The following KIRREL3 variants were observed in gnomAD, a reference collection of about 807,000 sequenced individuals.
KIRREL3 encodes kin of IRRE-like protein 3.
A neutral mutation model predicts 89.7 loss-of-function variants in KIRREL3; 36 were observed. The ratio of observed to expected loss-of-function variants is 0.40; its 90% CI spans 0.31 to 0.53. The LOEUF is 0.53. Among genes scored for constraint, KIRREL3 ranks in the 20% least tolerant of loss-of-function variants. KIRREL3 has a pLI of 0.49. For synonymous variants in KIRREL3, 445 were observed against 441.4 expected (o/e 1.01, Z -0.10); for missense variants, 864 against 1,056.6 (o/e 0.82, Z 2.53).
In KIRREL3 at chr11:126,923,186, T is replaced by TCTTCTCTTCTTCTTCTC. The variant is rs1947465550; in HGVS notation, c.55+77268_55+77269insGAGAAGAAGAAGAGAAG. Reference sequence around the variant, plus strand: ...CTTCTTCTTCTTCTTCTCTTCTTCTTCTCTTCTTCTTCTTCTTCTTCTTCT... The same window carrying TCTTCTCTTCTTCTTCTC: ...CTTCTTCTTCTTCTTCTCTTCTTCTTCTTCTCTTCTTCTTCTCCTCTTCTTCTTCTTCTTCTTCTTCT... On this transcript the variant is annotated intron_variant, in intron 1 of 16. Transcript: ENST00000525144. Among the ~76,000 whole-genome samples, 4 of 24,678 alleles carry TCTTCTCTTCTTCTTCTC rather than the reference T, an allele frequency of 1.6e-4. 2 individuals carry two copies. Among genetic ancestry groups the TCTTCTCTTCTTCTTCTC allele is most frequent in the Non-Finnish European group, 1.6e-4 (2 of 12,204 alleles). 16.2% of individuals were successfully genotyped at this position (24,678 alleles called of 152,430 possible).
rs531171 is a variant in KIRREL3 at position 126,575,561 on chromosome 11, T to G, written c.56-12649A>C. The stretch of plus-strand genomic sequence containing the variant: ...GGTACTTACTTATAAATATAATATA[T>G]TATTAGAAAGTACAGGGGTATGCTA... On this transcript the variant is annotated intron_variant, in intron 1 of 16. Transcript: ENST00000525144. This position sits in a 1 kb window ranked among gnomAD's most constrained non-coding sequence, Gnocchi z 7.0. Among the ~76,000 whole-genome samples, 103,276 of 152,020 alleles carry G rather than the reference T, an allele frequency of 0.68. 35,175 individuals are homozygous for G. Among genetic ancestry groups the G allele is most frequent in the South Asian group, 0.71 (3,412 of 4,806 alleles).
rs563137059 is a variant in KIRREL3, at chr11:126,654,159, C to A, written c.56-91247G>T. Among the ~76,000 whole-genome samples, 10 of 148,072 alleles carry A rather than the reference C, an allele frequency of 6.8e-5. No individual in the cohort carries two copies. In the East Asian group the frequency reaches 2.0e-3, roughly 30 times the overall value. On this transcript the variant is annotated intron_variant, in intron 1 of 16. Coordinates refer to ENST00000525144, the MANE Select transcript of KIRREL3 (RefSeq NM_032531.4). ...CATTCAGCTTCACAAGGCTGGTGAG[C>A]GAGGGCTCGTGGTTGGGACACCTGA...
chr11:126,511,200 T>A (rs1427455631), intron 4 of KIRREL3, among the ~76,000 whole-genome samples: 1 of 152,022 alleles, frequency 6.6e-6, no homozygotes, highest in Non-Finnish European at 1.5e-5. Flanking sequence ...GGCTCACGCC[T>A]GTAGTCCCAG....
intron 1 of KIRREL3, among the ~76,000 whole-genome samples, chr11:126,942,621 G>A (rs769660093): frequency 7.2e-5 from 11 of 152,194 alleles, no homozygotes; most frequent in Admixed American, 2.6e-4. Flanking sequence ...ATTTGTCCTA[G>A]GAGTCATGTG....
intron 4 of KIRREL3, among the ~76,000 whole-genome samples, chr11:126,506,358 T>C (rs1196024580): frequency 6.6e-6 from 1 of 152,226 alleles, no homozygotes; most frequent in African/African-American, 2.4e-5. Flanking sequence ...GTCGTATATC[T>C]GGTAAAGGAC....
intron 1 of KIRREL3, among the ~76,000 whole-genome samples, chr11:126,654,642 G>T (rs1179063575): frequency 6.6e-6 from 1 of 152,072 alleles, no homozygotes; most frequent in Non-Finnish European, 1.5e-5. Context: ...TGTCTGGAGG[G>T]GTTGTCTAGC....
rs556124195 is a variant in KIRREL3 at position 126,939,492 on chromosome 11, C to G, written c.55+60963G>C. ...TCTAGATGGTGCTGCTGAGAGGCTA[C>G]CTTATTTTCACAAGTTCCAATGCTA... On this transcript the variant is annotated intron_variant, in intron 1 of 16. Coordinates refer to ENST00000525144, the MANE Select transcript of KIRREL3 (RefSeq NM_032531.4). Among the ~76,000 whole-genome samples the G allele has an allele frequency of 1.3e-4, 20 of 152,274 alleles. No individual in the cohort carries two copies. The South Asian group carries it at 3.9e-3, about 30-fold the overall frequency.
At position 126,872,582 on chromosome 11, in the gene KIRREL3, C is replaced by G. The variant is rs1363900842; in HGVS notation, c.55+127873G>C. Reference sequence around the variant, plus strand: ...GGGCTCACTTCACCTGCATCATTTACATCAAACAGCCCCTCTAAGGGACCT... The same window carrying G: ...GGGCTCACTTCACCTGCATCATTTAGATCAAACAGCCCCTCTAAGGGACCT... On this transcript the variant is annotated intron_variant, in intron 1 of 16. Coordinates refer to ENST00000525144, the MANE Select transcript of KIRREL3 (RefSeq NM_032531.4). The surrounding 1 kb of genome is among the most constrained non-coding windows in gnomAD (Gnocchi z 4.2). Among the ~76,000 whole-genome samples, 1 of 152,244 alleles carries G rather than the reference C, an allele frequency of 6.6e-6. No individual in the cohort carries two copies. The highest frequency in any genetic ancestry group is 6.5e-5 in the Admixed American group (1 of 15,288).
At position 126,687,703 on chromosome 11, in the gene KIRREL3, T is replaced by C. The variant is rs1269756360; in HGVS notation, c.56-124791A>G. Among the ~76,000 whole-genome samples, 1 of 152,262 alleles carries C rather than the reference T, an allele frequency of 6.6e-6. No homozygotes were observed. The highest frequency in any genetic ancestry group is 1.5e-5 in the Non-Finnish European group (1 of 68,046). ...CTCTCCTACATGCCAGGCATTGTTT[T>C]GGATGCTGGGGATACAAAGATAAGT... On this transcript the variant is annotated intron_variant, in intron 1 of 16. Coordinates refer to ENST00000525144, the MANE Select transcript of KIRREL3 (RefSeq NM_032531.4). This position sits in a 1 kb window ranked among gnomAD's most constrained non-coding sequence, Gnocchi z 4.6.
rs148614624 is a variant in KIRREL3 at position 126,946,489 on chromosome 11, T to C, written c.55+53966A>G. On this transcript the variant is annotated intron_variant, in intron 1 of 16. Transcript: ENST00000525144. The surrounding 1 kb of genome is among the most constrained non-coding windows in gnomAD (Gnocchi z 4.1). ...AGGACTAATACAAATGCCCATAAAA[T>C]CTACAGACTAGACTAGATGTTAAGT... is the stretch of plus-strand genomic sequence containing the variant. Among the ~76,000 whole-genome samples the C allele has an allele frequency of 4.7e-3, 721 of 152,304 alleles. 8 individuals are homozygous for C. The highest frequency in any genetic ancestry group is 0.017 in the African/African-American group (701 of 41,564).
At chr11:126,781,564 AT>A (rs1483792678) in intron 1 of KIRREL3, among the ~76,000 whole-genome samples, 2 of 152,168 alleles carry the variant, frequency 1.3e-5, no homozygotes, top group East Asian at 3.8e-4. Flanking sequence ...TCTGGACCTC[AT>A]TTTTAAGGTT....
rs190890763 is a variant in KIRREL3 at position 126,844,774 on chromosome 11, T to G, written c.55+155681A>C. ...GGCACTCTTTGCTGAAGGCTATGGG[T>G]GACAGAGTTAAGCATGTATAGGATC... On this transcript the variant is annotated intron_variant, in intron 1 of 16. Transcript: ENST00000525144. This position sits in a 1 kb window ranked among gnomAD's most constrained non-coding sequence, Gnocchi z 4.8. Among the ~76,000 whole-genome samples, 137 of 152,288 alleles carry G rather than the reference T, an allele frequency of 9.0e-4. 2 individuals carry two copies. The highest frequency in any genetic ancestry group is 3.0e-3 in the African/African-American group (125 of 41,566).
At chr11:126,929,673 C>T (rs1166406045) in intron 1 of KIRREL3, among the ~76,000 whole-genome samples, 3 of 152,284 alleles carry the variant, frequency 2.0e-5, no homozygotes, top group African/African-American at 2.4e-5. Flanking sequence ...GGCAGTGAGT[C>T]GCCCAGGCCT....
chr11:126,919,243 G>A (rs1326944121), intron 1 of KIRREL3, among the ~76,000 whole-genome samples: 1 of 152,140 alleles, frequency 6.6e-6, no homozygotes. Flanking sequence ...TGTGGTAGGT[G>A]CAGCCATCAC....
Position 126,431,392 on chromosome 11 carries a change from C to T in KIRREL3, c.1696+27G>A. 1 of 1,613,424 alleles carries T rather than the reference C, an allele frequency of 6.2e-7. No individual in the cohort carries two copies. The highest frequency in any genetic ancestry group is 8.5e-7 in the Non-Finnish European group (1 of 1,179,676). ...CTGGCCTTTTTCTCTGTCCCCCTCC[C>T]TGAGATCCCGGATCTCCCTCCCGTA... On this transcript the variant is annotated intron_variant, in intron 14 of 16. Transcript: ENST00000525144. This position sits in a 1 kb window ranked among gnomAD's most constrained non-coding sequence, Gnocchi z 7.1.
chr11:126,836,681 T>G (rs1943793253), intron 1 of KIRREL3, among the ~76,000 whole-genome samples: 1 of 152,224 alleles, frequency 6.6e-6, no homozygotes, highest in East Asian at 1.9e-4. Context: ...CCTTAACTCC[T>G]CATTGCAGAA....
At chr11:126,619,824 A>T (rs779610210) in intron 1 of KIRREL3, among the ~76,000 whole-genome samples, 1 of 152,204 alleles carries the variant, frequency 6.6e-6, no homozygotes, top group Non-Finnish European at 1.5e-5. Flanking sequence ...CGGATCCTGA[A>T]ATCCAGTGGA....
In KIRREL3 at chr11:126,635,418, C is replaced by T. The variant is rs1206016045; in HGVS notation, c.56-72506G>A. On this transcript the variant is annotated intron_variant, in intron 1 of 16. Coordinates refer to ENST00000525144, the MANE Select transcript of KIRREL3 (RefSeq NM_032531.4). This position sits in a 1 kb window ranked among gnomAD's most constrained non-coding sequence, Gnocchi z 4.0. ...ATTGGAGGGAGCAGAGAAGCTTCCT[C>T]ATTAAAAGGGCTGGGCTGGTTGGCT... 1.3e-5 allele frequency among the ~76,000 whole-genome samples: 2 copies of T among 152,314 alleles called. No individual in the cohort carries two copies. The highest frequency in any genetic ancestry group is 2.1e-4 in the South Asian group (1 of 4,826).
Position 126,796,219 on chromosome 11 carries a change from A to T in KIRREL3, c.55+204236T>A, listed in dbSNP as rs1332351250. 5.9e-5 allele frequency among the ~76,000 whole-genome samples: 9 copies of T among 152,088 alleles called. No homozygotes were observed. Among genetic ancestry groups the T allele is most frequent in the Non-Finnish European group, 7.4e-5 (5 of 67,992 alleles). ...AAAAAAAAAGGCAAGACACAACATA[A>T]AATCAGACTGATTCTATGTTAAAAT... On this transcript the variant is annotated intron_variant, in intron 1 of 16. Coordinates refer to ENST00000525144, the MANE Select transcript of KIRREL3 (RefSeq NM_032531.4). The surrounding 1 kb of genome is among the most constrained non-coding windows in gnomAD (Gnocchi z 5.1).
Sources: gnomAD v4.1 joint callset for allele counts (sites outside exome capture counted in the v4.1 genomes callset) on GRCh38, gnomAD v4.1.1 for gene constraint, Gnocchi (gnomAD v3.1) non-coding constraint, MANE v1.5 for transcripts, NCBI Gene and HGNC (gene_info 2026-07-23, HGNC 2026-07-21) for gene names.